Variants in ARB2A observed in about 807,000 individuals in gnomAD.
The protein encoded by ARB2A is ARB2 cotranscriptional regulator A.
the ARB2A span, among the ~76,000 whole-genome samples, chr5:93,675,366 T>C: frequency 6.6e-6 from 1 of 152,210 alleles, no homozygotes; most frequent in African/African-American, 2.4e-5. Flanking sequence ...TTAGAAGATA[T>C]AAACTCATGC....
At chr5:94,003,583 C>T in the ARB2A span, among the ~76,000 whole-genome samples, 6 of 151,746 alleles carry the variant, frequency 4.0e-5, no homozygotes, top group African/African-American at 1.2e-4. Flanking sequence ...ATAAAACACA[C>T]TGAATTTTAA....
the ARB2A span, among the ~76,000 whole-genome samples, chr5:94,098,956 T>C: frequency 6.6e-6 from 1 of 151,966 alleles, no homozygotes; most frequent in Admixed American, 6.5e-5. Context: ...AACAGACCAT[T>C]AACGAGCTCC....
chr5:93,707,031 C>T, the ARB2A span, among the ~76,000 whole-genome samples: 1 of 151,856 alleles, frequency 6.6e-6, no homozygotes, highest in Non-Finnish European at 1.5e-5. Context: ...GTAGGCTGTG[C>T]CTCAATAAGT....
the ARB2A span, chr5:94,050,707 G>A: frequency 6.5e-7 from 1 of 1,529,214 alleles, no homozygotes; most frequent in Non-Finnish European, 8.8e-7. Context: ...GAAAAACAAA[G>A]TTAAAGTAGT....
chr5:93,794,335 GTGTT>G, the ARB2A span, among the ~76,000 whole-genome samples: 1 of 151,912 alleles, frequency 6.6e-6, no homozygotes, highest in Non-Finnish European at 1.5e-5. Context: ...CCTATATCAT[GTGTT>G]TGATTTTTTA....
chr5:93,937,049 AT>A, the ARB2A span, among the ~76,000 whole-genome samples: 2 of 141,402 alleles, frequency 1.4e-5, no homozygotes, highest in Non-Finnish European at 3.0e-5. Context: ...AATTTTTTGT[AT>A]TTTTAGTAGA....
chr5:93,894,027 T>C, the ARB2A span, among the ~76,000 whole-genome samples: 5 of 152,192 alleles, frequency 3.3e-5, no homozygotes, highest in African/African-American at 7.2e-5. Context: ...AAACACTTAA[T>C]AGTATACACT....
the ARB2A span, among the ~76,000 whole-genome samples, chr5:93,885,591 T>G: frequency 6.6e-6 from 1 of 151,650 alleles, no homozygotes; most frequent in South Asian, 2.1e-4. Context: ...ATACATAAAG[T>G]TGTTAATTAA....
the ARB2A span, among the ~76,000 whole-genome samples, chr5:93,693,517 C>T: frequency 1.3e-5 from 2 of 152,028 alleles, no homozygotes; most frequent in East Asian, 1.9e-4. Context: ...GAAGTCAAAT[C>T]CCTGAATAGA....
At chr5:94,040,424 T>C in the ARB2A span, among the ~76,000 whole-genome samples, 6 of 151,954 alleles carry the variant, frequency 3.9e-5, no homozygotes, top group Non-Finnish European at 7.4e-5. Flanking sequence ...TACATATGTA[T>C]ACATGTGCCA....
chr5:94,015,825 C>T, the ARB2A span, among the ~76,000 whole-genome samples: 1 of 151,884 alleles, frequency 6.6e-6, no homozygotes, highest in African/African-American at 2.4e-5. Context: ...CAAATTAAAA[C>T]ACACTACCAG....
At chr5:93,962,644 G>A in the ARB2A span, among the ~76,000 whole-genome samples, 7 of 152,066 alleles carry the variant, frequency 4.6e-5, no homozygotes, top group Non-Finnish European at 7.4e-5. Flanking sequence ...GAGAGCTCGG[G>A]AGAAAGCTAA....
chr5:93,881,368 AT>A, the ARB2A span: 1 of 878,870 alleles, frequency 1.1e-6, no homozygotes, highest in Admixed American at 2.7e-5. Flanking sequence ...ATGATGACAA[AT>A]AAAAAAATTA....
At chr5:94,095,776 A>G in the ARB2A span, among the ~76,000 whole-genome samples, 1 of 152,144 alleles carries the variant, frequency 6.6e-6, no homozygotes, top group Non-Finnish European at 1.5e-5. Context: ...CAGAAGGTTA[A>G]TATCCTCAAA....
At chr5:93,785,397 C>G in the ARB2A span, among the ~76,000 whole-genome samples, 2 of 151,332 alleles carry the variant, frequency 1.3e-5, no homozygotes, top group Admixed American at 6.6e-5. Flanking sequence ...CCTCTAAATT[C>G]TTTTATTGAA....
chr5:93,807,242 C>T, the ARB2A span, among the ~76,000 whole-genome samples: 1 of 151,814 alleles, frequency 6.6e-6, no homozygotes, highest in Non-Finnish European at 1.5e-5. Context: ...ATTTAAGGAC[C>T]AGCCAATAAA....
chr5:93,818,244 G>T, the ARB2A span, among the ~76,000 whole-genome samples: 1 of 152,128 alleles, frequency 6.6e-6, no homozygotes, highest in African/African-American at 2.4e-5. Flanking sequence ...ACTGCTGGCA[G>T]GATTGTAAGT....
chr5:93,975,929 T>C, the ARB2A span, among the ~76,000 whole-genome samples: 444 of 151,978 alleles, frequency 2.9e-3, 2 homozygotes, highest in African/African-American at 0.011. Context: ...TAACTCCCTA[T>C]CCCAATCTGG....
At chr5:94,088,495 A>T in the ARB2A span, among the ~76,000 whole-genome samples, 24 of 152,274 alleles carry the variant, frequency 1.6e-4, no homozygotes, top group African/African-American at 5.5e-4. Flanking sequence ...AGCCCTGGCA[A>T]CATAGCAAGA....
Sources: gnomAD v4.1 joint callset for allele counts (sites outside exome capture counted in the v4.1 genomes callset) on GRCh38, gnomAD v4.1.1 for gene constraint, MANE v1.5 for transcripts, NCBI Gene and HGNC (gene_info 2026-07-23, HGNC 2026-07-21) for gene names.